OVCH1: variants seen among roughly 807,000 people sequenced by gnomAD.
The protein encoded by OVCH1 is ovochymase-1.
Under a neutral mutation model 138.4 loss-of-function variants are expected in OVCH1, and 139 were observed. That is an observed-to-expected ratio of 1.00 (90% CI 0.87 to 1.16). The LOEUF is 1.16. Ranked by LOEUF, OVCH1 falls within the 50% of genes most tolerant of loss-of-function variation. OVCH1 has a pLI of 0.00. For synonymous variants in OVCH1, 453 were observed against 467.8 expected, an observed-to-expected ratio of 0.97 and a Z score of 0.41; for missense variants, 1,367 against 1,357.9, an observed-to-expected ratio of 1.01 and a Z score of -0.11.
At chr12:29,471,823 G>C in exon 16 of OVCH1, 1 of 1,611,664 alleles carries the variant, frequency 6.2e-7, no homozygotes, top group Non-Finnish European at 8.5e-7. Context: ...GTGGGCTGCG[G>C]TCAGAATCCA....
intron 16 of OVCH1, among the ~76,000 whole-genome samples, chr12:29,468,669 A>G (rs2135996841): frequency 6.6e-6 from 1 of 152,290 alleles, no homozygotes; most frequent in African/African-American, 2.4e-5. Context: ...GAATTCTTAT[A>G]AAAATAGGTT....
intron 19 of OVCH1, among the ~76,000 whole-genome samples, chr12:29,461,399 A>T (rs529373419): frequency 2.6e-5 from 4 of 152,350 alleles, no homozygotes; most frequent in Admixed American, 6.5e-5. Context: ...TGTACAATAG[A>T]CATCTTTGTG....
chr12:29,453,594 C>T (rs901348615), intron 21 of OVCH1, among the ~76,000 whole-genome samples: 8 of 152,152 alleles, frequency 5.3e-5, no homozygotes, highest in Non-Finnish European at 8.8e-5. Flanking sequence ...ACTCCTTCCA[C>T]CTTTTGGGAC....
Position 29,440,608 on chromosome 12 carries a change from AG to A in OVCH1, c.3158-1175del, listed in dbSNP as rs575365028. 284 of 397,798 alleles carry A rather than the reference AG, an allele frequency of 7.1e-4. 4 individuals are homozygous for A. Among genetic ancestry groups the A allele is most frequent in the South Asian group, 5.3e-3 (276 of 52,312 alleles). The allele number at this position is 397,798 out of a possible 1,614,324, so 24.6% of individuals were successfully genotyped here. ...ACCTCATGAGGCAGTGCATGGTAAC[AG>A]GTGTTCTGTAGGGCAAGAAAGATAG... On this transcript the variant is annotated intron_variant, in intron 25 of 27. Transcript: ENST00000318184.
exon 28 of OVCH1, chr12:29,427,640 C>T (rs779804462): frequency 1.0e-5 from 16 of 1,551,010 alleles, no homozygotes; most frequent in Non-Finnish European, 1.3e-5. Context: ...ACTTCTCAGC[C>T]TCCATACTGT....
In OVCH1 at chr12:29,414,121, G is replaced by C. The variant is rs548018447; in HGVS notation, c.*72-1396C>G. Among the ~76,000 whole-genome samples, 21 of 150,308 alleles carry C rather than the reference G, an allele frequency of 1.4e-4. No homozygotes were observed. The East Asian group carries it at 2.7e-3, about 20-fold the overall frequency. ...TGCAACCTCTACCTCCACCTTCCAG[G>C]TTCAAGTGATTCTCCTGCCTCAGTC... On this transcript the variant is annotated intron_variant and NMD_transcript_variant, in intron 3 of 4. Coordinates refer to the OVCH1 transcript ENST00000539117.
chr12:29,405,732 T>A, the OVCH1 span, among the ~76,000 whole-genome samples: 1 of 152,236 alleles, frequency 6.6e-6, no homozygotes, highest in Non-Finnish European at 1.5e-5. Context: ...GGAAAAAGTT[T>A]AGAACCAAAT....
chr12:29,429,013 C>A (rs1941224989), intron 27 of OVCH1, among the ~76,000 whole-genome samples: 1 of 152,082 alleles, frequency 6.6e-6, no homozygotes, highest in Non-Finnish European at 1.5e-5. Flanking sequence ...TGTACAAGGC[C>A]CTGAGTTTGA....
intron 26 of OVCH1, among the ~76,000 whole-genome samples, chr12:29,437,087 G>A (rs1941377562): frequency 6.6e-6 from 1 of 152,150 alleles, no homozygotes; most frequent in Admixed American, 6.5e-5. Flanking sequence ...GCTGATTGGT[G>A]CATTTTTACA....
At chr12:29,459,259 A>G (rs1007887499) in intron 19 of OVCH1, among the ~76,000 whole-genome samples, 1 of 152,236 alleles carries the variant, frequency 6.6e-6, no homozygotes, top group African/African-American at 2.4e-5. Flanking sequence ...ATGAATGGAT[A>G]AAGAAAATGT....
At chr12:29,491,345 G>T (rs554041137) in intron 4 of OVCH1, among the ~76,000 whole-genome samples, 153 bp from the exon 5 acceptor site, 1 of 152,116 alleles carries the variant, frequency 6.6e-6, no homozygotes, top group South Asian at 2.1e-4. Context: ...ATATAAAACC[G>T]TTTTGTATTT....
chr12:29,444,174 G>C (rs752992714), exon 24 of OVCH1: 7 of 1,609,428 alleles, frequency 4.3e-6, no homozygotes. Flanking sequence ...AATTTCTTGG[G>C]ATCTGCATGA....
downstream of OVCH1, chr12:29,426,123 A>T (rs1215776636): frequency 2.6e-5 from 4 of 152,204 alleles, no homozygotes; most frequent in African/African-American, 7.2e-5. Flanking sequence ...ATTTGTAATC[A>T]TTTGACACCT....
rs1040402507 is a variant in OVCH1, at chr12:29,477,153, A to G, written c.1326T>C (p.Ser442=). Residue 442 remains serine (S), a synonymous_variant, in exon 12 of 28, where the codon AGT becomes AGC. Coordinates refer to ENST00000318184, the Ensembl canonical transcript of OVCH1. ...AAATGAACCAATGACACCTTGTGTT[A>G]CTGGGATACAAATCAGGATACTTGG... 1.9e-6 allele frequency: 3 copies of G among 1,613,502 alleles called. No homozygotes were observed. The Admixed American group carries it at 5.0e-5, about 27-fold the overall frequency.
rs535691269 is a variant in OVCH1 at position 29,458,387 on chromosome 12, T to C, written c.2281-2982A>G. ...ACAAAGGTGCAAAAAAAAAAATACATTGGGGAAAGGACAGTCACTTTGATA... is the reference window on the plus strand; with the variant it reads ...ACAAAGGTGCAAAAAAAAAAATACACTGGGGAAAGGACAGTCACTTTGATA... On this transcript the variant is annotated intron_variant, in intron 19 of 27. Transcript: ENST00000318184. Among the ~76,000 whole-genome samples the C allele has an allele frequency of 6.6e-5, 10 of 151,726 alleles. No individual in the cohort carries two copies. In the East Asian group the frequency reaches 7.7e-4, roughly 12 times the overall value.
rs536772727 is a variant in OVCH1, at chr12:29,465,111, T to A, written c.1929+36A>T. ...TCCTTGGCATGTGACAACATTTAGA[T>A]TACAGGCAGAATGACCTGTAAAAAC... On this transcript the variant is annotated intron_variant, in intron 17 of 27. Coordinates refer to ENST00000318184, the Ensembl canonical transcript of OVCH1. The A allele has an allele frequency of 1.6e-5, 25 of 1,533,768 alleles. No homozygotes were observed. In the East Asian group the frequency reaches 4.9e-4, roughly 30 times the overall value.
downstream of OVCH1, among the ~76,000 whole-genome samples, chr12:29,411,589 G>A (rs1940956856): frequency 6.6e-6 from 1 of 152,120 alleles, no homozygotes; most frequent in Non-Finnish European, 1.5e-5. Flanking sequence ...GTTTGCCTGG[G>A]TATCAGCAGC....
chr12:29,466,302 GTATT>G (rs1207766919), intron 16 of OVCH1, among the ~76,000 whole-genome samples: 2 of 151,958 alleles, frequency 1.3e-5, no homozygotes, highest in Non-Finnish European at 2.9e-5. Context: ...TCTTAATACT[GTATT>G]TATCTCAGTA....
At chr12:29,420,483 CTTTTTTTTTTTTTTTTTTTTTTTTTTTT>C (rs958610211) in intron 3 of OVCH1, among the ~76,000 whole-genome samples, 3 of 18,998 alleles carry the variant, frequency 1.6e-4, no homozygotes, top group African/African-American at 7.7e-4. Flanking sequence ...GAAAAAGCAG[CTTTTTTTTTTTTTTTTTTTTTTTTTTTT>C]TTTTTTTTTT....
Sources: allele counts gnomAD v4.1 joint callset (sites outside exome capture counted in the v4.1 genomes callset), GRCh38; gene constraint gnomAD v4.1.1; transcripts MANE v1.5; gene names NCBI Gene and HGNC (gene_info 2026-07-23, HGNC 2026-07-21).